HEATR4: variants seen among roughly 807,000 people sequenced by gnomAD.
The protein encoded by HEATR4 is HEAT repeat containing 4, also known as HEAT repeat-containing protein 4.
HEATR4 carries 95 observed loss-of-function variants against 108.8 expected under a neutral mutation model. That is an observed-to-expected ratio of 0.87 (90% confidence interval 0.74 to 1.04). The LOEUF (loss-of-function observed/expected upper bound fraction) is 1.04. Ranked by LOEUF, HEATR4 falls within the 50% of genes least tolerant of loss-of-function variation. The probability of loss-of-function intolerance (pLI) is 0.00; values close to 1 mark genes in which losing one functional copy is unlikely to be tolerated. For synonymous variants in HEATR4, 443 were observed against 459.4 expected (o/e 0.96, Z 0.46); for missense variants, 1,152 against 1,253.8 (o/e 0.92, Z 1.23).
At chr14:73,510,659 C>T (rs964361162) in intron 7 of HEATR4, among the ~76,000 whole-genome samples, 1 of 152,070 alleles carries the variant, frequency 6.6e-6, no homozygotes, top group Non-Finnish European at 1.5e-5. Flanking sequence ...TGGTCTTGAA[C>T]CCTTGACTTC....
At chr14:73,592,125 G>A in the HEATR4 span, 3 of 1,559,124 alleles carry the variant, frequency 1.9e-6, no homozygotes, top group East Asian at 4.9e-5. Flanking sequence ...CTGCGCCGAC[G>A]CCCGCGGCGA....
intron 17 of HEATR4, among the ~76,000 whole-genome samples, chr14:73,487,588 G>C (rs1346142832): frequency 4.6e-5 from 7 of 151,476 alleles, no homozygotes; most frequent in Admixed American, 4.0e-4. Flanking sequence ...AACAAACAAA[G>C]CCTATATTTT....
At chr14:73,592,568 T>C in the HEATR4 span, 6 of 1,025,288 alleles carry the variant, frequency 5.9e-6, no homozygotes, top group African/African-American at 1.0e-4. Flanking sequence ...ATAGAGGGTT[T>C]GGTACCGGGC....
At chr14:73,509,206 C>G in intron 8 of HEATR4, 106 bp downstream of exon 8, 2 of 1,106,842 alleles carry the variant, frequency 1.8e-6, no homozygotes, top group Admixed American at 1.8e-5. Flanking sequence ...AAACCCAATA[C>G]AGCAGACATT....
rs566749132 is a variant in HEATR4, at chr14:73,510,350, C to T, written c.1559-877G>A. ...TAAGACTGTCATGGGCCATGCATGG[C>T]ACCAGAAGAATATGGGACAGGAGCA... is the stretch of plus-strand genomic sequence containing the variant. On this transcript the variant is annotated intron_variant, in intron 7 of 17. Coordinates refer to ENST00000553558, the MANE Select transcript of HEATR4 (RefSeq NM_001220484.1). 1.7e-3 allele frequency among the ~76,000 whole-genome samples: 261 copies of T among 152,096 alleles called. 1 individual carries two copies. The highest frequency in any genetic ancestry group is 6.0e-3 in the African/African-American group (250 of 41,508).
chr14:73,537,744 T>A lies in HEATR4; in HGVS notation c.-151-7500A>T. On this transcript the variant is annotated intron_variant, in intron 1 of 17. Coordinates refer to ENST00000553558, the MANE Select transcript of HEATR4 (RefSeq NM_001220484.1). ...ACGCCCTTGGCCGTGGAGCTGGAGG[T>A]GCTGGATGGCCACGACCCCGACCCC... The A allele has an allele frequency of 3.2e-6, 4 of 1,242,872 alleles. 1 individual carries two copies. Among genetic ancestry groups the A allele is most frequent in the Non-Finnish European group, 4.3e-6 (4 of 938,360 alleles). 77.0% of individuals were successfully genotyped at this position (1,242,872 alleles called of 1,614,324 possible).
chr14:73,563,190 C>CTCT (rs35518531), upstream of HEATR4, among the ~76,000 whole-genome samples: 1 of 151,550 alleles, frequency 6.6e-6, no homozygotes, highest in Non-Finnish European at 1.5e-5. Context: ...TGTACTGTCT[C>CTCT]TATTTGTCAG....
chr14:73,593,633 G>T, the HEATR4 span: 7 of 1,436,116 alleles, frequency 4.9e-6, no homozygotes, highest in South Asian at 9.4e-5. Context: ...ATGAACCACA[G>T]TGTCCAGCCA....
At chr14:73,491,237 G>T in intron 17 of HEATR4, 6 of 1,588,974 alleles carry the variant, frequency 3.8e-6, no homozygotes, top group Non-Finnish European at 5.1e-6. Flanking sequence ...GACGGCCGAC[G>T]ACCTGGGGGA....
rs149795251 is a variant in HEATR4 at position 73,503,521 on chromosome 14, G to A, written c.1987-508C>T. Among the ~76,000 whole-genome samples the A allele has an allele frequency of 5.9e-5, 9 of 152,272 alleles. No homozygotes were observed. The East Asian group carries it at 1.7e-3, about 29-fold the overall frequency. On this transcript the variant is annotated intron_variant, in intron 10 of 17. Coordinates refer to ENST00000553558, the MANE Select transcript of HEATR4 (RefSeq NM_001220484.1). The stretch of plus-strand genomic sequence containing the variant: ...CACGATGATGTGTAAATGTGCCCAC[G>A]CTGTTCTTCCTGCTAGAAGTATCTC...
the HEATR4 span, among the ~76,000 whole-genome samples, chr14:73,625,380 A>G: frequency 1.6e-4 from 21 of 132,322 alleles, no homozygotes; most frequent in African/African-American, 5.8e-4. Flanking sequence ...TTTATTTTTT[A>G]GACAGAGTTT....
At chr14:73,559,215 C>T (rs1160291984), upstream of HEATR4, among the ~76,000 whole-genome samples, 3 of 151,802 alleles carry the variant, frequency 2.0e-5, no homozygotes, top group Non-Finnish European at 4.4e-5. Flanking sequence ...CTCACTGCAA[C>T]CTGTGCCTCC....
chr14:73,542,138 A>G lies in HEATR4; in HGVS notation c.-151-11894T>C, dbSNP rs1232968678. On this transcript the variant is annotated intron_variant, in intron 1 of 17. Coordinates refer to ENST00000553558, the MANE Select transcript of HEATR4 (RefSeq NM_001220484.1). ...CCCCAGGTGCTGGATTACAGGCATG[A>G]GCCACTATGCCTAGCCTAATTTTTG... 1.9e-5 allele frequency among the ~76,000 whole-genome samples: 2 copies of G among 106,000 alleles called. 1 individual carries two copies. The highest frequency in any genetic ancestry group is 4.0e-5 in the Non-Finnish European group (2 of 49,610). 69.5% of individuals were successfully genotyped at this position (106,000 alleles called of 152,430 possible).
In HEATR4 at chr14:73,528,392, C is replaced by CAAAAAA. The variant is rs371875141; in HGVS notation, c.-73+1768_-73+1773dup. 3.6e-3 allele frequency among the ~76,000 whole-genome samples: 321 copies of CAAAAAA among 88,476 alleles called. 17 individuals are homozygous for CAAAAAA. Among genetic ancestry groups the CAAAAAA allele is most frequent in the African/African-American group, 0.014 (282 of 20,790 alleles). The allele number at this position is 88,476 out of a possible 152,430, so 58.0% of individuals were successfully genotyped here. On this transcript the variant is annotated intron_variant, in intron 2 of 17. Transcript: ENST00000553558. ...GGACGACAAGAGCGAAACTTCATCTCAAAAAAAAAAAAAAAAAAAAAACTT... is the reference window on the plus strand; with the variant it reads ...GGACGACAAGAGCGAAACTTCATCTCAAAAAAAAAAAAAAAAAAAAAAAAAAAACTT...
At chr14:73,493,233 C>G (rs950575751) in intron 16 of HEATR4, 109 bp from the exon 17 acceptor site, 1 of 855,872 alleles carries the variant, frequency 1.2e-6, no homozygotes. Context: ...TACTGGGTAA[C>G]ACTGACCATG....
the HEATR4 span, among the ~76,000 whole-genome samples, chr14:73,623,462 T>C: frequency 2.0e-5 from 3 of 152,048 alleles, no homozygotes; most frequent in Admixed American, 1.3e-4. Context: ...GGTAGGAGGA[T>C]TGCTCAAGGC....
chr14:73,592,422 C>T, the HEATR4 span: 3 of 1,507,344 alleles, frequency 2.0e-6, no homozygotes, highest in Non-Finnish European at 2.6e-6. Flanking sequence ...GCCAGGTGAG[C>T]CAGGCTGCTG....
At chr14:73,585,455 T>C in the HEATR4 span, among the ~76,000 whole-genome samples, 2 of 151,912 alleles carry the variant, frequency 1.3e-5, no homozygotes, top group African/African-American at 4.8e-5. Context: ...GAGGCTGAGG[T>C]GGGCGGATTA....
intron 17 of HEATR4, among the ~76,000 whole-genome samples, chr14:73,486,475 C>T (rs969485505): frequency 8.6e-5 from 13 of 151,938 alleles, no homozygotes; most frequent in Non-Finnish European, 1.5e-4. Flanking sequence ...AGGCAGGTGG[C>T]TTGCCTGAGT....
Sources: gnomAD v4.1 joint callset for allele counts (sites outside exome capture counted in the v4.1 genomes callset) on GRCh38, gnomAD v4.1.1 for gene constraint, MANE v1.5 for transcripts, NCBI Gene and HGNC (gene_info 2026-07-23, HGNC 2026-07-21) for gene names.